Variants in APOO observed in about 807,000 individuals in gnomAD.
APOO encodes the protein MICOS complex subunit MIC26.
In APOO, 11 loss-of-function variants were observed where a neutral mutation model predicts 23.1. The observed-to-expected ratio is 0.48, with a 90% CI of 0.30 to 0.79. APOO has a LOEUF of 0.79. Among genes scored for constraint, APOO ranks in the 30% least tolerant of loss-of-function variants. The pLI is 0.07. For synonymous variants in APOO, 59 were observed against 54.8 expected (o/e 1.08, Z -0.34); for missense variants, 160 against 142.7 (o/e 1.12, Z -0.62).
chrX:23,857,975 T>C (rs1924851938), intron 6 of APOO, among the ~76,000 whole-genome samples: 1 of 111,192 alleles, frequency 9.0e-6, no homozygotes, highest in Non-Finnish European at 1.9e-5. Context: ...CAGTCTGGGG[T>C]GGGGCCTGAG....
intron 7 of APOO, among the ~76,000 whole-genome samples, chrX:23,852,240 CAT>C (rs1264257420): frequency 9.1e-6 from 1 of 109,364 alleles, no homozygotes; most frequent in African/African-American, 3.3e-5. Flanking sequence ...CTGTTTTAAA[CAT>C]AGTGTCCACA....
At chrX:23,885,488 T>G (rs1037550396) in intron 1 of APOO, among the ~76,000 whole-genome samples, 1 of 108,244 alleles carries the variant, frequency 9.2e-6, no homozygotes, top group African/African-American at 3.4e-5. Flanking sequence ...CTCGAACTCC[T>G]GAGCTCAAGC....
At chrX:23,879,791 T>C (rs748050695) in intron 2 of APOO, among the ~76,000 whole-genome samples, 8 of 112,249 alleles carry the variant, frequency 7.1e-5, no homozygotes, top group African/African-American at 2.6e-4. Context: ...ACAGCAGGTT[T>C]ATTCTCCACC....
At chrX:23,867,123 CGAAA>C (rs1925376109) in intron 5 of APOO, among the ~76,000 whole-genome samples, 1 of 109,019 alleles carries the variant, frequency 9.2e-6, no homozygotes, top group Admixed American at 9.9e-5. Flanking sequence ...CGAAACGAAA[CGAAA>C]CGAAACGAAA....
chrX:23,907,343 CCA>C (rs1924669456), intron 1 of APOO, among the ~76,000 whole-genome samples: 1 of 111,614 alleles, frequency 9.0e-6, no homozygotes. Context: ...GCCGCGAACC[CCA>C]CAGTGCCCTG....
intron 2 of APOO, among the ~76,000 whole-genome samples, chrX:23,879,600 A>C (rs993479951): frequency 4.4e-5 from 5 of 112,479 alleles, no homozygotes; most frequent in African/African-American, 1.6e-4. Context: ...CACTGACTAC[A>C]AACAAAGCAG....
At chrX:23,884,673 T>G (rs1926291975) in intron 1 of APOO, among the ~76,000 whole-genome samples, 1 of 111,613 alleles carries the variant, frequency 9.0e-6, no homozygotes, top group African/African-American at 3.3e-5. Flanking sequence ...TGGTCAAAAG[T>G]ACAAAGTTTC....
At chrX:23,863,445 C>T (rs1925190002) in intron 5 of APOO, among the ~76,000 whole-genome samples, 1 of 111,862 alleles carries the variant, frequency 8.9e-6, no homozygotes, top group Admixed American at 9.5e-5. Flanking sequence ...AATGTATCAC[C>T]TGTTCAGAAG....
chrX:23,867,967 C>T (rs1312296803), intron 5 of APOO, among the ~76,000 whole-genome samples: 2 of 112,311 alleles, frequency 1.8e-5, no homozygotes, highest in African/African-American at 6.5e-5. Context: ...GATTCATAAA[C>T]TTTCTTCATT....
At chrX:23,872,144 G>A (rs1288203798) in intron 4 of APOO, among the ~76,000 whole-genome samples, 1 of 111,701 alleles carries the variant, frequency 9.0e-6, no homozygotes, top group Non-Finnish European at 1.9e-5. Context: ...TGGCTCTGGT[G>A]AGCTGGGCCA....
At position 23,844,481 on chromosome X, in the gene APOO, C is replaced by T. The variant is rs149427912; in HGVS notation, c.562-4104G>A. Among the ~76,000 whole-genome samples, 310 of 110,788 alleles carry T rather than the reference C, an allele frequency of 2.8e-3. 4 individuals carry two copies. The highest frequency in any genetic ancestry group is 9.7e-3 in the African/African-American group (297 of 30,469). On this transcript the variant is annotated intron_variant, in intron 7 of 8. Coordinates refer to ENST00000379226, the MANE Select transcript of APOO (RefSeq NM_024122.5). ...ATTCAAGCATAAGAGTGCCTGCAGT[C>T]TAAGAGGGAGGCAGAAGAAGAGGTC...
At chrX:23,863,876 G>C (rs1925214215) in intron 5 of APOO, among the ~76,000 whole-genome samples, 1 of 110,759 alleles carries the variant, frequency 9.0e-6, no homozygotes, top group Non-Finnish European at 1.9e-5. Context: ...TGAGAATGAG[G>C]TTAAAAAAAC....
chrX:23,837,958 CCTAT>C (rs76055034), intron 8 of APOO, among the ~76,000 whole-genome samples: 16,531 of 94,823 alleles, frequency 0.17, 1,274 homozygotes, highest in African/African-American at 0.21. Flanking sequence ...CTGCACCCGG[CCTAT>C]CTATCTATCT....
chrX:23,897,857 T>A (rs1430655687), intron 1 of APOO, among the ~76,000 whole-genome samples: 3 of 108,261 alleles, frequency 2.8e-5, no homozygotes, highest in Non-Finnish European at 5.7e-5. Context: ...TATCTGGGAA[T>A]GGTGGCACGT....
chrX:23,876,762 G>A (rs1409627616), intron 3 of APOO, among the ~76,000 whole-genome samples: 1 of 111,667 alleles, frequency 9.0e-6, no homozygotes, highest in Non-Finnish European at 1.9e-5. Flanking sequence ...CTGCACCACT[G>A]CACTCCAGCC....
intron 4 of APOO, among the ~76,000 whole-genome samples, chrX:23,870,033 CAGA>C (rs1925539207): frequency 9.0e-6 from 1 of 110,758 alleles, no homozygotes. Flanking sequence ...ATTACTCGAA[CAGA>C]AGAACAGAAT....
chrX:23,840,507 G>A (rs1923918294), intron 7 of APOO, 130 bp from the exon 8 acceptor site: 9 of 491,439 alleles, frequency 1.8e-5, no homozygotes, highest in Non-Finnish European at 2.6e-5. Flanking sequence ...CCATTTTATT[G>A]AGGACTTGGG....
chrX:23,887,955 G>C (rs1426874376), intron 1 of APOO, among the ~76,000 whole-genome samples: 1 of 111,954 alleles, frequency 8.9e-6, no homozygotes, highest in East Asian at 2.8e-4. Context: ...GAATACAGCT[G>C]TAAGACCCAT....
At chrX:23,863,151 T>C (rs1310793230) in intron 5 of APOO, among the ~76,000 whole-genome samples, 1 of 110,920 alleles carries the variant, frequency 9.0e-6, no homozygotes, top group African/African-American at 3.3e-5. Flanking sequence ...CTGGCCAACA[T>C]GGTGAAACCC....
Sources: allele counts gnomAD v4.1 joint callset (sites outside exome capture counted in the v4.1 genomes callset), GRCh38; gene constraint gnomAD v4.1.1; transcripts MANE v1.5; gene names NCBI Gene and HGNC (gene_info 2026-07-23, HGNC 2026-07-21).